EFR3B: variants seen among roughly 807,000 people sequenced by gnomAD.
EFR3B encodes the protein protein EFR3 homolog B.
In EFR3B, 64 loss-of-function variants were observed where a neutral mutation model predicts 104.7. The ratio of observed to expected loss-of-function variants is 0.61; its 90% CI spans 0.50 to 0.75. EFR3B has a LOEUF of 0.75. Among genes scored for constraint, EFR3B ranks in the 30% least tolerant of loss-of-function variants. EFR3B has a pLI of 0.00. For synonymous variants in EFR3B, 385 were observed against 417.9 expected, an observed-to-expected ratio of 0.92 and a Z score of 0.96; for missense variants, 750 against 1,078.5, an observed-to-expected ratio of 0.70 and a Z score of 4.27.
intron 1 of EFR3B, chr2:25,081,660 C>G (rs1201980279): frequency 1.7e-6 from 1 of 598,872 alleles, no homozygotes; most frequent in African/African-American, 1.9e-5. Flanking sequence ...CTGCGGCCAA[C>G]AGCTGGCTGT....
At chr2:25,147,152 ACTT>A (rs1425259242) in intron 19 of EFR3B, 1 of 151,792 alleles carries the variant, frequency 6.6e-6, no homozygotes, top group Non-Finnish European at 1.5e-5. Flanking sequence ...TTCCTCATAA[ACTT>A]CTCTCTCCCT....
intron 1 of EFR3B, among the ~76,000 whole-genome samples, chr2:25,046,782 C>T (rs1334803774): frequency 6.6e-6 from 1 of 152,266 alleles, no homozygotes; most frequent in African/African-American, 2.4e-5. Flanking sequence ...GGATTACAGG[C>T]GTGAGCCACC....
chr2:25,152,847 T>C (rs533924380), intron 21 of EFR3B, among the ~76,000 whole-genome samples: 1 of 150,032 alleles, frequency 6.7e-6, no homozygotes, highest in East Asian at 1.9e-4. Flanking sequence ...TGTGTGTATA[T>C]AAAACACATA....
At chr2:25,077,142 T>G (rs980719091) in intron 1 of EFR3B, among the ~76,000 whole-genome samples, 3 of 152,272 alleles carry the variant, frequency 2.0e-5, no homozygotes, top group African/African-American at 7.2e-5. Flanking sequence ...AACCAGGCTC[T>G]GCCTGAATGA....
intron 1 of EFR3B, among the ~76,000 whole-genome samples, chr2:25,046,320 G>A (rs910983147): frequency 1.3e-5 from 2 of 151,838 alleles, no homozygotes; most frequent in Non-Finnish European, 2.9e-5. Context: ...GGGAGGCGGA[G>A]GTTGCAGTGA....
chr2:25,045,599 T>A (rs1008878993), intron 1 of EFR3B, among the ~76,000 whole-genome samples: 2 of 151,854 alleles, frequency 1.3e-5, no homozygotes, highest in Non-Finnish European at 2.9e-5. Context: ...CTGGCCAACA[T>A]GGCGAAACCC....
Position 25,136,257 on chromosome 2 carries a change from G to A in EFR3B, c.1485-266G>A, listed in dbSNP as rs752676574. 2.0e-5 allele frequency among the ~76,000 whole-genome samples: 3 copies of A among 152,066 alleles called. No individual in the cohort carries two copies. Among genetic ancestry groups the A allele is most frequent in the Admixed American group, 2.0e-4 (3 of 15,270 alleles). On this transcript the variant is annotated intron_variant, in intron 13 of 22. Transcript: ENST00000403714. This position sits in a 1 kb window ranked among gnomAD's most constrained non-coding sequence, Gnocchi z 4.0. ...TGCTTGAGCCCTGGAGGTTAAGGCT[G>A]CAGAGAGCTGTGATTATGGAACAAC...
At position 25,156,579 on chromosome 2, in the gene EFR3B, G is replaced by A. The variant is rs963243954; in HGVS notation, c.*2239G>A. The A allele has an allele frequency of 6.6e-6, 1 of 152,420 alleles. No individual in the cohort carries two copies. Among genetic ancestry groups the A allele is most frequent in the African/African-American group, 2.4e-5 (1 of 41,572 alleles). 9.4% of individuals were successfully genotyped at this position (152,420 alleles called of 1,614,324 possible). On this transcript the variant is annotated 3_prime_UTR_variant, in exon 23 of 23. Coordinates refer to ENST00000403714, the MANE Select transcript of EFR3B (RefSeq NM_014971.2). ...CTCAAAGTGCTGGGATTACAGGCGT[G>A]AGCCACTGCGCCTGCTTGGCACGTG...
At chr2:25,062,218 T>A (rs1181795841) in intron 1 of EFR3B, among the ~76,000 whole-genome samples, 1 of 152,218 alleles carries the variant, frequency 6.6e-6, no homozygotes, top group African/African-American at 2.4e-5. Flanking sequence ...CTCTTCTAAT[T>A]ACGTTTCAGA....
intron 1 of EFR3B, among the ~76,000 whole-genome samples, chr2:25,072,681 T>C (rs1057391094): frequency 1.3e-5 from 2 of 152,206 alleles, no homozygotes; most frequent in African/African-American, 2.4e-5. Flanking sequence ...GACCCATGGC[T>C]ACCCTTCCTA....
At chr2:25,075,943 C>T (rs1573183904) in intron 1 of EFR3B, among the ~76,000 whole-genome samples, 1 of 152,264 alleles carries the variant, frequency 6.6e-6, no homozygotes, top group East Asian at 1.9e-4. Flanking sequence ...TGGTGGTATG[C>T]AGTGCAAGGT....
At chr2:25,101,402 T>A (rs1179285487) in intron 3 of EFR3B, among the ~76,000 whole-genome samples, 3 of 152,164 alleles carry the variant, frequency 2.0e-5, no homozygotes, top group Non-Finnish European at 4.4e-5. Context: ...CAGGCTGGAG[T>A]ACAGTGGCTC....
intron 1 of EFR3B, among the ~76,000 whole-genome samples, chr2:25,086,752 C>T (rs1668960863): frequency 6.6e-6 from 1 of 152,116 alleles, no homozygotes; most frequent in African/African-American, 2.4e-5. Context: ...GCCACCACAC[C>T]TGGCTAATTT....
intron 1 of EFR3B, among the ~76,000 whole-genome samples, chr2:25,089,257 T>TG (rs1267866869): frequency 6.6e-6 from 1 of 152,140 alleles, no homozygotes; most frequent in Non-Finnish European, 1.5e-5. Flanking sequence ...ACAGCCCCCT[T>TG]GGGGCACTGT....
chr2:25,096,710 T>G (rs1669287979), intron 3 of EFR3B, among the ~76,000 whole-genome samples: 1 of 152,278 alleles, frequency 6.6e-6, no homozygotes, highest in East Asian at 1.9e-4. Flanking sequence ...GGCCTCCCCC[T>G]GCAGCTGCCC....
At chr2:25,064,175 G>A (rs776868080) in intron 1 of EFR3B, among the ~76,000 whole-genome samples, 3 of 152,214 alleles carry the variant, frequency 2.0e-5, no homozygotes, top group Admixed American at 6.5e-5. Flanking sequence ...TCTACGTTTC[G>A]GAGGCTCTGG....
chr2:25,042,579 A>C lies in EFR3B; in HGVS notation c.7+260A>C, dbSNP rs753730653. The C allele has an allele frequency of 2.8e-4, 337 of 1,197,966 alleles. 1 individual carries two copies. The East Asian group carries it at 4.4e-3, about 16-fold the overall frequency. 74.2% of individuals were successfully genotyped at this position (1,197,966 alleles called of 1,614,324 possible). A position where few individuals can be genotyped will look rare whatever the true frequency, so the allele number is the denominator to read the frequency against. On this transcript the variant is annotated intron_variant, in intron 1 of 22. Coordinates refer to ENST00000403714, the MANE Select transcript of EFR3B (RefSeq NM_014971.2). The surrounding 1 kb of genome is among the most constrained non-coding windows in gnomAD (Gnocchi z 5.4). ...GTGGTCCTTCGGGGGGCGGAGGCTC[A>C]GGGGAAAGCGGGTCTCCCGGAGCCG...
rs1351480670 is a variant in EFR3B at position 25,156,329 on chromosome 2, G to C, written c.*1989G>C. 8.8e-6 allele frequency: 1 copy of C among 113,960 alleles called. No homozygotes were observed. The highest frequency in any genetic ancestry group is 1.6e-5 in the Non-Finnish European group (1 of 61,290). The allele number at this position is 113,960 out of a possible 1,614,324, so 7.1% of individuals were successfully genotyped here. On this transcript the variant is annotated 3_prime_UTR_variant, in exon 23 of 23. Coordinates refer to ENST00000403714, the MANE Select transcript of EFR3B (RefSeq NM_014971.2). ...TTTTTTTTTTTTGAGACACCGTCTC[G>C]CTCTGTCACCCAGGCTGGAGTACAA...
chr2:25,125,039 C>T (rs2014182), intron 5 of EFR3B, among the ~76,000 whole-genome samples: 30,284 of 152,076 alleles, frequency 0.2, 3,783 homozygotes, highest in Admixed American at 0.37. Context: ...GCCTGGGCAA[C>T]GGAGTGAGAC....
Sources: allele counts gnomAD v4.1 joint callset (sites outside exome capture counted in the v4.1 genomes callset), GRCh38; gene constraint gnomAD v4.1.1; non-coding constraint Gnocchi (gnomAD v3.1); transcripts MANE v1.5; gene names NCBI Gene and HGNC (gene_info 2026-07-23, HGNC 2026-07-21).